The following FAT3 variants were observed in gnomAD, a reference collection of about 807,000 sequenced individuals.
FAT3 encodes protocadherin Fat 3.
In FAT3, 95 loss-of-function variants were observed where a neutral mutation model predicts 310.2. The ratio of observed to expected loss-of-function variants is 0.31; its 90% CI spans 0.26 to 0.36. The LOEUF is 0.36. FAT3 is among the 10% of genes least tolerant of loss of function. The pLI is 1.00. For missense variants in FAT3, 5,408 were observed against 5,715.6 expected (o/e 0.95, Z 1.74); for synonymous variants, 2,314 against 2,192.9 (o/e 1.06, Z -1.54).
intron 7 of FAT3, among the ~76,000 whole-genome samples, chr11:92,781,511 G>T (rs560146219): frequency 6.6e-6 from 1 of 152,106 alleles, no homozygotes; most frequent in East Asian, 1.9e-4. Context: ...ATATAAACCT[G>T]CTTCTTCTCA....
chr11:92,261,992 T>C lies in FAT3; in HGVS notation c.-18+36818T>C, dbSNP rs1422233289. ...CCTTTATACATATTTACTCTCTCTT[T>C]TTTTTTTAAATTCTGAGGTCTCTCG... On this transcript the variant is annotated intron_variant, in intron 1 of 27. Transcript: ENST00000525166. Among the ~76,000 whole-genome samples the C allele has an allele frequency of 5.9e-5, 9 of 152,062 alleles. 1 individual carries two copies. Among genetic ancestry groups the C allele is most frequent in the Non-Finnish European group, 1.5e-5 (1 of 68,008 alleles).
chr11:92,817,839 TG>T (rs1947861377), intron 13 of FAT3, among the ~76,000 whole-genome samples: 1 of 152,246 alleles, frequency 6.6e-6, no homozygotes, highest in South Asian at 2.1e-4. Context: ...GTGGTTTTCC[TG>T]CCTCTTCTGA....
At chr11:92,465,831 G>T (rs1346320571) in intron 2 of FAT3, among the ~76,000 whole-genome samples, 1 of 151,684 alleles carries the variant, frequency 6.6e-6, no homozygotes, top group Non-Finnish European at 1.5e-5. Context: ...CCTGCACGTT[G>T]TAAAACTTAA....
intron 2 of FAT3, among the ~76,000 whole-genome samples, chr11:92,488,694 C>G (rs1952508144): frequency 6.6e-6 from 1 of 151,972 alleles, no homozygotes; most frequent in Non-Finnish European, 1.5e-5. Context: ...TCTGATCTCT[C>G]TTTAGATAAA....
intron 3 of FAT3, among the ~76,000 whole-genome samples, chr11:92,533,637 A>G (rs1045632832): frequency 4.6e-5 from 7 of 152,160 alleles, no homozygotes; most frequent in Non-Finnish European, 8.8e-5. Flanking sequence ...AAATGATAAG[A>G]GCATAAGAGA....
At chr11:92,226,241 T>C (rs370481799) in intron 1 of FAT3, among the ~76,000 whole-genome samples, 5 of 152,096 alleles carry the variant, frequency 3.3e-5, no homozygotes, top group African/African-American at 9.6e-5. Flanking sequence ...GCTTGCATGA[T>C]GGCGAGCCCG....
intron 2 of FAT3, among the ~76,000 whole-genome samples, chr11:92,424,395 C>A (rs1950588685): frequency 6.6e-6 from 1 of 152,046 alleles, no homozygotes; most frequent in Non-Finnish European, 1.5e-5. Flanking sequence ...GCTTGTCTGC[C>A]AAGGCTACAG....
intron 8 of FAT3, 144 bp downstream of exon 8, chr11:92,790,362 G>A (rs1382429737): frequency 1.0e-6 from 1 of 1,004,834 alleles, no homozygotes; most frequent in African/African-American, 1.6e-5. Flanking sequence ...ATTCATTTTT[G>A]CCTTTTTATT....
At chr11:92,852,141 C>T (rs1857743704) in intron 19 of FAT3, among the ~76,000 whole-genome samples, 1 of 152,144 alleles carries the variant, frequency 6.6e-6, no homozygotes, top group African/African-American at 2.4e-5. Flanking sequence ...GGACACATAA[C>T]ATTGTTCAGG....
At chr11:92,497,275 G>T (rs1427395736) in intron 2 of FAT3, among the ~76,000 whole-genome samples, 1 of 152,054 alleles carries the variant, frequency 6.6e-6, no homozygotes, top group African/African-American at 2.4e-5. Context: ...GAGCCCTTTT[G>T]TTAGATAATG....
intron 1 of FAT3, among the ~76,000 whole-genome samples, chr11:92,271,074 C>T (rs542836774): frequency 2.6e-5 from 4 of 152,100 alleles, no homozygotes; most frequent in Non-Finnish European, 4.4e-5. Flanking sequence ...CCTGCAGCAG[C>T]CTCCAAGCCC....
At chr11:92,758,830 A>G (rs1407252363) in intron 4 of FAT3, among the ~76,000 whole-genome samples, 1 of 152,122 alleles carries the variant, frequency 6.6e-6, no homozygotes, top group African/African-American at 2.4e-5. Flanking sequence ...GTTCAATTGG[A>G]TATAGATAGT....
intron 6 of FAT3, among the ~76,000 whole-genome samples, chr11:92,770,249 T>C (rs1303050773): frequency 2.6e-5 from 4 of 152,012 alleles, no homozygotes; most frequent in Non-Finnish European, 5.9e-5. Flanking sequence ...TTCAGGAAAA[T>C]AAGAAGAAGC....
At chr11:92,791,793 A>T (rs1415225444) in intron 8 of FAT3, among the ~76,000 whole-genome samples, 1 of 152,186 alleles carries the variant, frequency 6.6e-6, no homozygotes, top group Admixed American at 6.5e-5. Context: ...ATGATAGCAA[A>T]ACCTTGTGGT....
intron 3 of FAT3, among the ~76,000 whole-genome samples, chr11:92,678,783 G>T (rs993758953): frequency 3.9e-5 from 6 of 152,094 alleles, no homozygotes; most frequent in African/African-American, 7.2e-5. Flanking sequence ...AATTATAGAA[G>T]TTAAATATAC....
At chr11:92,315,935 G>T (rs1051249925) in intron 1 of FAT3, among the ~76,000 whole-genome samples, 1 of 152,048 alleles carries the variant, frequency 6.6e-6, no homozygotes, top group Non-Finnish European at 1.5e-5. Flanking sequence ...TATTAAAATT[G>T]TATTAAATGA....
intron 3 of FAT3, among the ~76,000 whole-genome samples, chr11:92,670,862 G>A (rs1591590232): frequency 1.3e-5 from 2 of 152,090 alleles, no homozygotes; most frequent in South Asian, 4.1e-4. Context: ...GAAGGCTCAG[G>A]AAGCCTCTGA....
intron 1 of FAT3, among the ~76,000 whole-genome samples, chr11:92,332,566 G>C (rs1362472762): frequency 6.6e-6 from 1 of 152,188 alleles, no homozygotes; most frequent in Non-Finnish European, 1.5e-5. Flanking sequence ...AAGCAGAAGA[G>C]AGGGTTGAGG....
At chr11:92,857,761 A>G (rs1949019732) in intron 20 of FAT3, among the ~76,000 whole-genome samples, 1 of 152,196 alleles carries the variant, frequency 6.6e-6, no homozygotes, top group Admixed American at 6.5e-5. Flanking sequence ...AGCTAAGCCA[A>G]TCCTGTTGAC....
Sources: allele counts gnomAD v4.1 joint callset (sites outside exome capture counted in the v4.1 genomes callset), GRCh38; gene constraint gnomAD v4.1.1; transcripts MANE v1.5; gene names NCBI Gene and HGNC (gene_info 2026-07-23, HGNC 2026-07-21).